The following DMXL1 variants were observed in gnomAD, a reference collection of about 807,000 sequenced individuals.
DMXL1 encodes the protein dmX-like protein 1.
A neutral mutation model predicts 319.2 loss-of-function variants in DMXL1; 99 were observed. The ratio of observed to expected loss-of-function variants is 0.31; its 90% CI spans 0.26 to 0.37. The LOEUF is 0.37. Among genes scored for constraint, DMXL1 ranks in the 10% least tolerant of loss-of-function variants. The probability of loss-of-function intolerance (pLI) is 1.00; values close to 1 mark genes in which losing one functional copy is unlikely to be tolerated. For synonymous variants in DMXL1, 1,385 were observed against 1,235.2 expected (o/e 1.12, Z -2.54); for missense variants, 3,745 against 3,595.6 (o/e 1.04, Z -1.06).
chr5:119,182,973 T>G (rs907890487), intron 28 of DMXL1, among the ~76,000 whole-genome samples: 3 of 152,182 alleles, frequency 2.0e-5, no homozygotes, highest in Non-Finnish European at 4.4e-5. Context: ...ATTGTTATTG[T>G]GTTTTGTGAT....
intron 1 of DMXL1, among the ~76,000 whole-genome samples, chr5:119,094,457 T>C (rs1016617713): frequency 6.6e-6 from 1 of 152,196 alleles, no homozygotes; most frequent in Non-Finnish European, 1.5e-5. Flanking sequence ...AGATTTCCTT[T>C]CAAAATATTG....
intron 34 of DMXL1, among the ~76,000 whole-genome samples, chr5:119,211,933 C>T (rs546830238): frequency 4.6e-5 from 7 of 152,256 alleles, no homozygotes; most frequent in Admixed American, 1.3e-4. Context: ...TGAAATATTC[C>T]GTAGGATCCT....
chr5:119,116,183 A>G lies in DMXL1; in HGVS notation c.590A>G (p.Tyr197Cys). Residue 197 changes from tyrosine (Y) to cysteine (C), a missense_variant, in exon 7 of 44, where the codon TAT (tyrosine) becomes TGT (cysteine). Around this residue, in one of 4 missense-constraint regions of DMXL1, gnomAD observed 2,096 missense variants for 1,985.4 expected, o/e 1.06. Coordinates refer to ENST00000539542, the MANE Select transcript of DMXL1 (RefSeq NM_001290321.3). ...GATGACTGTCTTTTGAAGGTTTGGTATAATGTAGAAAACTGGCGGACAGCT... is the reference window on the plus strand; with the variant it reads ...GATGACTGTCTTTTGAAGGTTTGGTGTAATGTAGAAAACTGGCGGACAGCT... ...GKDDCLLKVW[Y>C]NVENWRTAVT... is the part of the protein sequence containing the mutation. The G allele has an allele frequency of 1.9e-6, 3 of 1,611,804 alleles. No homozygotes were observed. Among genetic ancestry groups the G allele is most frequent in the Non-Finnish European group, 1.7e-6 (2 of 1,178,798 alleles).
intron 37 of DMXL1, among the ~76,000 whole-genome samples, chr5:119,224,485 G>A: frequency 6.6e-6 from 1 of 151,854 alleles, no homozygotes; most frequent in East Asian, 1.9e-4. Flanking sequence ...TTCTTGAAAG[G>A]AATTTATCTT....
chr5:119,186,754 T>C (rs1258105206), intron 28 of DMXL1, among the ~76,000 whole-genome samples: 1 of 152,188 alleles, frequency 6.6e-6, no homozygotes, highest in South Asian at 2.1e-4. Context: ...TTGGGTTCTT[T>C]GGGGAGTTAC....
rs1171893693 is a variant in DMXL1 at position 119,144,634 on chromosome 5, T to A, written c.2565T>A (p.Asn855Lys). The A allele has an allele frequency of 6.3e-7, 1 of 1,574,854 alleles. No individual in the cohort carries two copies. The highest frequency in any genetic ancestry group is 1.2e-5 in the South Asian group (1 of 86,614). The change falls in exon 15 of 44, where the codon AAT (asparagine) becomes AAA (lysine). Residue 855 changes from asparagine to lysine, a missense_variant. Around this residue, in one of 4 missense-constraint regions of DMXL1, gnomAD observed 2,096 missense variants for 1,985.4 expected, o/e 1.06. Coordinates refer to ENST00000539542, the MANE Select transcript of DMXL1 (RefSeq NM_001290321.3). ...KSLGKDSILS[N>K]AGSSPNGFSE... is the part of the protein sequence containing the mutation. ...TTGGCAAAGACAGCATTTTATCTAATGCAGGTAAGGAAGAATTATTTATGG... is the reference window on the plus strand; with the variant it reads ...TTGGCAAAGACAGCATTTTATCTAAAGCAGGTAAGGAAGAATTATTTATGG...
chr5:119,154,208 A>G (rs1036700131), intron 19 of DMXL1, among the ~76,000 whole-genome samples: 3 of 152,210 alleles, frequency 2.0e-5, no homozygotes, highest in Admixed American at 6.5e-5. Context: ...TGTTCAAGTG[A>G]AAGGAAGAGC....
chr5:119,152,325 T>C (rs368500620), intron 19 of DMXL1, among the ~76,000 whole-genome samples: 1 of 152,256 alleles, frequency 6.6e-6, no homozygotes. Flanking sequence ...TCATTTTCTT[T>C]AATTTCTTCT....
chr5:119,127,874 G>T (rs1763953547), intron 9 of DMXL1: 1 of 346,480 alleles, frequency 2.9e-6, no homozygotes, highest in East Asian at 8.9e-5. Flanking sequence ...CAGCATGTCT[G>T]CTTTGGCAAT....
At chr5:119,115,570 G>A (rs1023572480) in intron 6 of DMXL1, among the ~76,000 whole-genome samples, 3 of 152,162 alleles carry the variant, frequency 2.0e-5, no homozygotes, top group African/African-American at 7.2e-5. Flanking sequence ...TGTTTATTCT[G>A]ATTGACTTTA....
At chr5:119,176,862 G>A (rs1174257258) in intron 26 of DMXL1, among the ~76,000 whole-genome samples, 2 of 151,968 alleles carry the variant, frequency 1.3e-5, no homozygotes, top group African/African-American at 4.8e-5. Context: ...CCTCTGTATT[G>A]CCTTGATAGC....
At chr5:119,136,627 TTG>T in intron 13 of DMXL1, among the ~76,000 whole-genome samples, 1 of 152,376 alleles carries the variant, frequency 6.6e-6, no homozygotes, top group Non-Finnish European at 1.5e-5. Flanking sequence ...CTGTGCAGCC[TTG>T]GGATTCAGTG....
intron 34 of DMXL1, among the ~76,000 whole-genome samples, chr5:119,209,626 G>C (rs1243166607): frequency 1.3e-5 from 2 of 152,150 alleles, no homozygotes; most frequent in East Asian, 1.9e-4. Flanking sequence ...CGGATTACAG[G>C]TGTGACCCAC....
chr5:119,184,830 G>A (rs2150347250), intron 28 of DMXL1, among the ~76,000 whole-genome samples: 1 of 152,160 alleles, frequency 6.6e-6, no homozygotes, highest in African/African-American at 2.4e-5. Flanking sequence ...AATGCTGAAT[G>A]TTCCGTTGTG....
Position 119,189,063 on chromosome 5 carries a change from A to C in DMXL1, c.7136-645A>C, listed in dbSNP as rs1331022889. Among the ~76,000 whole-genome samples the C allele has an allele frequency of 2.6e-5, 4 of 152,176 alleles. No homozygotes were observed. In the East Asian group the frequency reaches 7.7e-4, roughly 29 times the overall value. On this transcript the variant is annotated intron_variant, in intron 28 of 43. Transcript: ENST00000539542. ...ATTAAAGATTTGTATAATTTTTTTA[A>C]TGCTAATCTCTTTAGTATTCTGAGG...
intron 4 of DMXL1, among the ~76,000 whole-genome samples, chr5:119,108,376 C>T (rs529172979): frequency 1.2e-4 from 18 of 151,940 alleles, no homozygotes; most frequent in African/African-American, 4.4e-4. Context: ...GTCCTTTAAC[C>T]CTCTTGTTTT....
intron 32 of DMXL1, among the ~76,000 whole-genome samples, chr5:119,198,534 G>T (rs961023825): frequency 6.6e-6 from 1 of 152,182 alleles, no homozygotes; most frequent in Non-Finnish European, 1.5e-5. Flanking sequence ...AAAGTGTTAA[G>T]AGGAAAGTTT....
chr5:119,217,742 C>T (rs1426011181), intron 35 of DMXL1, among the ~76,000 whole-genome samples: 1 of 152,062 alleles, frequency 6.6e-6, no homozygotes, highest in Non-Finnish European at 1.5e-5. Flanking sequence ...TAGATACATA[C>T]CCTGTAATAT....
At chr5:119,091,533 C>G (rs571616175) in intron 1 of DMXL1, among the ~76,000 whole-genome samples, 1 of 152,130 alleles carries the variant, frequency 6.6e-6, no homozygotes, top group Non-Finnish European at 1.5e-5. Flanking sequence ...GGATGCACAC[C>G]TATGTCTTTG....
Sources: allele counts gnomAD v4.1 joint callset (sites outside exome capture counted in the v4.1 genomes callset), GRCh38; gene constraint gnomAD v4.1.1; regional missense constraint gnomAD v4.1.1; transcripts MANE v1.5; gene names NCBI Gene and HGNC (gene_info 2026-07-23, HGNC 2026-07-21).